The following CPNE8 variants were observed in gnomAD, a reference collection of about 807,000 sequenced individuals.
CPNE8 encodes the protein copine 8, also known as copine-8.
Under a neutral mutation model 81.5 loss-of-function variants are expected in CPNE8, and 45 were observed. The ratio of observed to expected loss-of-function variants is 0.55; its 90% CI spans 0.44 to 0.71. The LOEUF (loss-of-function observed/expected upper bound fraction) is 0.71. Ranked by LOEUF, CPNE8 falls within the 30% of genes least tolerant of loss-of-function variation. CPNE8 has a pLI of 0.00. For synonymous variants in CPNE8, 252 were observed against 226.3 expected (o/e 1.11, Z -1.02); for missense variants, 594 against 672.1 (o/e 0.88, Z 1.28).
chr12:38,694,507 T>C (rs1939751048), intron 14 of CPNE8, among the ~76,000 whole-genome samples: 1 of 152,164 alleles, frequency 6.6e-6, no homozygotes, highest in Non-Finnish European at 1.5e-5. Context: ...CGTTTAAAAG[T>C]GATTAAAAAT....
chr12:38,712,764 C>T (rs75703104), intron 13 of CPNE8, among the ~76,000 whole-genome samples: 4,169 of 152,024 alleles, frequency 0.027, 173 homozygotes, highest in African/African-American at 0.092. Context: ...TGGGTTGGAG[C>T]GAACAGGACT....
chr12:38,792,010 T>C (rs1352597876), intron 6 of CPNE8, among the ~76,000 whole-genome samples: 1 of 134,304 alleles, frequency 7.4e-6, no homozygotes, highest in Middle Eastern at 4.1e-3. Context: ...ATAGGAGAAA[T>C]TAAAAAAAAA....
chr12:38,873,591 C>T (rs1373541958), intron 2 of CPNE8, among the ~76,000 whole-genome samples: 1 of 152,142 alleles, frequency 6.6e-6, no homozygotes, highest in East Asian at 1.9e-4. Flanking sequence ...GTGTCCCACC[C>T]ACTTGTCAAA....
intron 4 of CPNE8, among the ~76,000 whole-genome samples, chr12:38,847,480 C>T (rs1333920790): frequency 6.6e-6 from 1 of 152,300 alleles, no homozygotes; most frequent in East Asian, 1.9e-4. Flanking sequence ...CAGGAAGTTA[C>T]TACATTTCAT....
chr12:38,782,262 A>G (rs1483235979), intron 6 of CPNE8, among the ~76,000 whole-genome samples: 2 of 152,170 alleles, frequency 1.3e-5, no homozygotes, highest in Non-Finnish European at 2.9e-5. Flanking sequence ...GACAAAGGCT[A>G]AGAAACGATT....
chr12:38,841,450 G>A (rs547198180), intron 4 of CPNE8, among the ~76,000 whole-genome samples: 1 of 152,270 alleles, frequency 6.6e-6, no homozygotes, highest in South Asian at 2.1e-4. Flanking sequence ...ACTCTTGTTT[G>A]GAGCCTGACT....
chr12:38,718,694 G>A (rs151244932), intron 13 of CPNE8, among the ~76,000 whole-genome samples: 1 of 152,248 alleles, frequency 6.6e-6, no homozygotes, highest in Admixed American at 6.5e-5. Context: ...TTTCTAGGAA[G>A]TAACTCTACA....
At chr12:38,770,828 T>C (rs986760955) in intron 7 of CPNE8, among the ~76,000 whole-genome samples, 2 of 152,158 alleles carry the variant, frequency 1.3e-5, no homozygotes, top group Admixed American at 6.5e-5. Context: ...TAAATGTCAC[T>C]TTCTCAAAGA....
chr12:38,904,411 C>A (rs1165358787), intron 1 of CPNE8, among the ~76,000 whole-genome samples: 1 of 151,346 alleles, frequency 6.6e-6, no homozygotes, highest in Non-Finnish European at 1.5e-5. Context: ...ACCGAAAGGT[C>A]AGGACAACGA....
intron 6 of CPNE8, among the ~76,000 whole-genome samples, chr12:38,814,577 A>G (rs1248311797): frequency 1.3e-5 from 2 of 151,994 alleles, no homozygotes; most frequent in Non-Finnish European, 2.9e-5. Flanking sequence ...TTTAAAAACC[A>G]GTCCTGCTCC....
chr12:38,742,711 T>TAAATAAAA (rs59403727), intron 10 of CPNE8, among the ~76,000 whole-genome samples: 53,730 of 145,314 alleles, frequency 0.37, 11,024 homozygotes, highest in Middle Eastern at 0.45. Flanking sequence ...AATAAATAAA[T>TAAATAAAA]ATAAAACATA....
At chr12:38,666,263 T>C (rs1356650850) in intron 19 of CPNE8, among the ~76,000 whole-genome samples, 1 of 152,154 alleles carries the variant, frequency 6.6e-6, no homozygotes, top group Non-Finnish European at 1.5e-5. Context: ...TTTTGTCTTT[T>C]AGGACAGTGT....
Position 38,902,347 on chromosome 12 carries a change from A to G in CPNE8, c.98+3090T>C, listed in dbSNP as rs1197942594. Among the ~76,000 whole-genome samples the G allele has an allele frequency of 4.9e-3, 484 of 97,910 alleles. 9 individuals are homozygous for G. The highest frequency in any genetic ancestry group is 5.5e-3 in the Non-Finnish European group (296 of 53,720). 64.2% of individuals were successfully genotyped at this position (97,910 alleles called of 152,430 possible). ...AAGAAAGAAAGAAAGAAAGAAAGAA[A>G]GAAAGAAAGAAAGAAAGAAAGAAAG... On this transcript the variant is annotated intron_variant, in intron 1 of 19. Coordinates refer to ENST00000331366, the MANE Select transcript of CPNE8 (RefSeq NM_153634.3).
At chr12:38,790,913 AC>A (rs1016771588) in intron 6 of CPNE8, among the ~76,000 whole-genome samples, 1 of 151,486 alleles carries the variant, frequency 6.6e-6, no homozygotes, top group African/African-American at 2.4e-5. Context: ...CATATCTCTT[AC>A]TATTTCTCCT....
At chr12:38,885,768 G>T (rs998774799) in intron 1 of CPNE8, among the ~76,000 whole-genome samples, 1 of 152,052 alleles carries the variant, frequency 6.6e-6, no homozygotes, top group Non-Finnish European at 1.5e-5. Flanking sequence ...AGGAGGGGCC[G>T]GGTGGGAGGT....
chr12:38,749,618 T>C (rs922758438), intron 10 of CPNE8, among the ~76,000 whole-genome samples: 1 of 152,232 alleles, frequency 6.6e-6, no homozygotes, highest in Admixed American at 6.5e-5. Context: ...TAAAGATGAC[T>C]CTTGTTATGT....
intron 6 of CPNE8, among the ~76,000 whole-genome samples, chr12:38,812,849 G>A (rs571949564): frequency 8.7e-4 from 132 of 152,272 alleles, no homozygotes; most frequent in South Asian, 2.5e-3. Context: ...AGTCCTTACC[G>A]GACACTGTGC....
chr12:38,864,058 A>AC (rs57218246), intron 3 of CPNE8, among the ~76,000 whole-genome samples: 30 of 103,260 alleles, frequency 2.9e-4, no homozygotes, highest in Non-Finnish European at 3.6e-4. Context: ...CATCTCTCAC[A>AC]AAAAAAAAAA....
chr12:38,691,928 C>T (rs1939683975), intron 15 of CPNE8, among the ~76,000 whole-genome samples: 1 of 152,120 alleles, frequency 6.6e-6, no homozygotes, highest in Non-Finnish European at 1.5e-5. Context: ...ATTAGCAGCA[C>T]CTGAACTCTG....
Sources: gnomAD v4.1 joint callset for allele counts (sites outside exome capture counted in the v4.1 genomes callset) on GRCh38, gnomAD v4.1.1 for gene constraint, MANE v1.5 for transcripts, NCBI Gene and HGNC (gene_info 2026-07-23, HGNC 2026-07-21) for gene names.